RASA3: variants seen among roughly 807,000 people sequenced by gnomAD.
RASA3 encodes RAS p21 protein activator 3.
A neutral mutation model predicts 110.0 loss-of-function variants in RASA3; 73 were observed. The observed-to-expected ratio is 0.66, with a 90% CI of 0.55 to 0.81. The LOEUF (loss-of-function observed/expected upper bound fraction) is 0.81. Among genes scored for constraint, RASA3 ranks in the 30% least tolerant of loss-of-function variants. The pLI, the probability that RASA3 is intolerant of heterozygous loss-of-function variation, is 0.00. For missense variants in RASA3, 976 were observed against 1,113.2 expected (o/e 0.88, Z 1.75); for synonymous variants, 500 against 451.4 (o/e 1.11, Z -1.37).
In RASA3 at chr13:114,027,941, C is replaced by T. The variant is rs763331410; in HGVS notation, c.450-14G>A. On this transcript the variant is annotated splice_polypyrimidine_tract_variant and intron_variant, in intron 5 of 23. Transcript: ENST00000334062. Reference sequence around the variant, plus strand: ...CACTCGACGATGCTGAGGAGAGAAGCAGAGGCGGCGTCAGGAGGGAGCGCA... The same window carrying T: ...CACTCGACGATGCTGAGGAGAGAAGTAGAGGCGGCGTCAGGAGGGAGCGCA... 2 of 1,606,446 alleles carry T rather than the reference C, an allele frequency of 1.2e-6. No individual in the cohort carries two copies. Among genetic ancestry groups the T allele is most frequent in the South Asian group, 2.2e-5 (2 of 90,944 alleles).
Position 113,996,624 on chromosome 13 carries a change from AGG to A in RASA3, c.2046_2047del (p.Leu683HisfsTer17). On this transcript the variant is annotated frameshift_variant, in exon 21 of 24. Transcript: ENST00000334062. LOFTEE classifies it high-confidence loss of function. ...GTAGGCGGACGGGTGGTAGACGGTG[AGG>A]CGCTTCTGGTTGCACTGGCTCACTT... 6.2e-7 allele frequency: 1 copy of A among 1,613,700 alleles called. No individual in the cohort carries two copies. The highest frequency in any genetic ancestry group is 8.5e-7 in the Non-Finnish European group (1 of 1,180,016).
At chr13:114,001,426 T>C (rs1227691718) in intron 18 of RASA3, among the ~76,000 whole-genome samples, 3 of 134,614 alleles carry the variant, frequency 2.2e-5, no homozygotes, top group Non-Finnish European at 5.1e-5. Context: ...ACAGAGGACC[T>C]ACGGCCGCGG....
intron 1 of RASA3, among the ~76,000 whole-genome samples, chr13:114,093,012 G>A (rs912126275): frequency 1.8e-4 from 27 of 151,884 alleles, no homozygotes; most frequent in African/African-American, 6.5e-4. Context: ...CCATGTACAT[G>A]TTAACTCTCT....
intron 1 of RASA3, among the ~76,000 whole-genome samples, chr13:114,079,975 C>G (rs1277390420): frequency 6.6e-6 from 1 of 152,230 alleles, no homozygotes; most frequent in Non-Finnish European, 1.5e-5. Flanking sequence ...ACCCTGACCC[C>G]CACGACCCCT....
intron 21 of RASA3, among the ~76,000 whole-genome samples, chr13:113,994,240 T>TA (rs542268221): frequency 2.8e-4 from 43 of 152,230 alleles, no homozygotes; most frequent in Non-Finnish European, 4.8e-4. Flanking sequence ...CAATACTGTA[T>TA]ATGCCTTTTG....
chr13:114,047,801 G>T (rs2079078218), intron 3 of RASA3, among the ~76,000 whole-genome samples: 1 of 152,226 alleles, frequency 6.6e-6, no homozygotes, highest in Non-Finnish European at 1.5e-5. Context: ...GTGGCCTCCT[G>T]GAAAAGGCAA....
At chr13:114,104,995 G>A (rs1024011192) in intron 1 of RASA3, among the ~76,000 whole-genome samples, 37 of 151,048 alleles carry the variant, frequency 2.4e-4, no homozygotes, top group African/African-American at 8.3e-4. Flanking sequence ...CCAGGCTCTC[G>A]GCCCCCCGAG....
chr13:114,050,044 G>A (rs1298391682), intron 3 of RASA3, among the ~76,000 whole-genome samples: 1 of 152,236 alleles, frequency 6.6e-6, no homozygotes, highest in Non-Finnish European at 1.5e-5. Flanking sequence ...TGAGCCCGGA[G>A]GCAGGAGGGA....
chr13:114,025,488 T>C (rs1004273677), intron 7 of RASA3, among the ~76,000 whole-genome samples: 5 of 149,966 alleles, frequency 3.3e-5, no homozygotes, highest in Admixed American at 6.6e-5. Flanking sequence ...AAGCCCCCAG[T>C]GCCCCTGCCT....
intron 18 of RASA3, among the ~76,000 whole-genome samples, chr13:114,001,448 G>C (rs2053396933): frequency 1.5e-5 from 2 of 137,590 alleles, no homozygotes; most frequent in South Asian, 4.7e-4. Context: ...CTCGGGGTCA[G>C]GGTGGGCAGT....
chr13:114,041,560 C>T (rs1424175943), intron 3 of RASA3, among the ~76,000 whole-genome samples: 2 of 152,256 alleles, frequency 1.3e-5, no homozygotes, highest in Non-Finnish European at 2.9e-5. Context: ...TGCACCAGAG[C>T]TCTGATCTCA....
chr13:114,026,576 C>T (rs989441832), intron 7 of RASA3, among the ~76,000 whole-genome samples: 3 of 152,296 alleles, frequency 2.0e-5, no homozygotes, highest in African/African-American at 7.2e-5. Flanking sequence ...ACCCACTGAC[C>T]GGTAGGTCCA....
chr13:114,038,793 G>T, intron 4 of RASA3, among the ~76,000 whole-genome samples: 1 of 152,214 alleles, frequency 6.6e-6, no homozygotes, highest in Non-Finnish European at 1.5e-5. Flanking sequence ...GGGGACAAGG[G>T]TTCCCAGAGG....
At chr13:114,121,402 T>C (rs2080374873) in intron 1 of RASA3, among the ~76,000 whole-genome samples, 1 of 152,162 alleles carries the variant, frequency 6.6e-6, no homozygotes, top group Non-Finnish European at 1.5e-5. Flanking sequence ...TCAGCACAGA[T>C]TGGCCCGTGT....
chr13:114,077,933 G>A (rs1196009342), intron 1 of RASA3: 1 of 984,350 alleles, frequency 1.0e-6, no homozygotes, highest in African/African-American at 1.8e-5. Flanking sequence ...TCAGGCTTCT[G>A]ATGCCATCAC....
chr13:114,064,541 A>G (rs1336463976), intron 2 of RASA3, among the ~76,000 whole-genome samples: 2 of 152,294 alleles, frequency 1.3e-5, no homozygotes, highest in East Asian at 3.9e-4. Flanking sequence ...TTTCATCAGC[A>G]GGAAGGTTTG....
chr13:114,107,118 G>A (rs929884846), intron 1 of RASA3, among the ~76,000 whole-genome samples: 9 of 152,170 alleles, frequency 5.9e-5, no homozygotes, highest in Admixed American at 2.6e-4. Context: ...ATCCAGCCAC[G>A]GTCTGCGGAC....
intron 4 of RASA3, among the ~76,000 whole-genome samples, chr13:114,038,820 T>C (rs2054332692): frequency 6.6e-6 from 1 of 152,032 alleles, no homozygotes; most frequent in Non-Finnish European, 1.5e-5. Context: ...GGCCATCCAG[T>C]CCCCCAGCCC....
chr13:114,089,954 C>T (rs570650386), intron 1 of RASA3, among the ~76,000 whole-genome samples: 21 of 152,262 alleles, frequency 1.4e-4, no homozygotes, highest in African/African-American at 4.6e-4. Context: ...CTTCAAGGTT[C>T]GCCCGTGCTT....
Sources: allele counts gnomAD v4.1 joint callset (sites outside exome capture counted in the v4.1 genomes callset), GRCh38; gene constraint gnomAD v4.1.1; transcripts MANE v1.5; gene names NCBI Gene and HGNC (gene_info 2026-07-23, HGNC 2026-07-21).